Variants in F7 observed in about 807,000 individuals in gnomAD.
F7 encodes the protein coagulation factor VII, also known as FVII coagulation protein.
In F7, 38 loss-of-function variants were observed where a neutral mutation model predicts 47.5. That is an observed-to-expected ratio of 0.80 (90% CI 0.62 to 1.05). F7 has a LOEUF of 1.05. Ranked by LOEUF, F7 falls within the 50% of genes least tolerant of loss-of-function variation. The probability of loss-of-function intolerance (pLI) is 0.00; values close to 1 mark genes in which losing one functional copy is unlikely to be tolerated. For missense variants in F7, 575 were observed against 605.4 expected (o/e 0.95, Z 0.53); for synonymous variants, 244 against 258.5 (o/e 0.94, Z 0.54).
At chr13:113,116,602 G>A (rs536217890) in intron 5 of F7, among the ~76,000 whole-genome samples, 164 bp from the exon 6 acceptor site, 2 of 152,312 alleles carry the variant, frequency 1.3e-5, no homozygotes, top group South Asian at 4.1e-4. Context: ...CCCAGCCGAG[G>A]CCCTGCCTTC....
At chr13:113,109,707 G>T (rs1024274092) in intron 1 of F7, among the ~76,000 whole-genome samples, 1 of 152,062 alleles carries the variant, frequency 6.6e-6, no homozygotes, top group African/African-American at 2.4e-5. Context: ...GCCTCCTCCC[G>T]GGGCCTCCCT....
At chr13:113,105,940 G>A in intron 1 of F7, 35 bp downstream of exon 1, 3 of 1,553,350 alleles carry the variant, frequency 1.9e-6, no homozygotes, top group Non-Finnish European at 2.6e-6. Flanking sequence ...TAAACTTGGT[G>A]GAAGGGCAGT....
Position 113,118,567 on chromosome 13 carries a change from C to T in F7, c.894C>T (p.Pro298=). Residue 298 remains proline, a synonymous_variant, in exon 8 of 8, where the codon CCC becomes CCT. Transcript: ENST00000346342. ...QPVVLTDHVV[P]LCLPERTFSE... is the part of the protein sequence containing the mutation. The stretch of plus-strand genomic sequence containing the variant: ...TGGTCCTCACTGACCATGTGGTGCC[C>T]CTCTGCCTGCCCGAACGGACGTTCT... The T allele has an allele frequency of 6.2e-7, 1 of 1,612,696 alleles. No individual in the cohort carries two copies. The highest frequency in any genetic ancestry group is 8.5e-7 in the Non-Finnish European group (1 of 1,179,852).
At position 113,115,804 on chromosome 13, in the gene F7, A is replaced by G; in HGVS notation, c.505+4A>G. 1 of 1,613,172 alleles carries G rather than the reference A, an allele frequency of 6.2e-7. No homozygotes were observed. The highest frequency in any genetic ancestry group is 2.2e-5 in the East Asian group (1 of 44,886). ...GGGGTGTCCTGCACACCCACAGGTGACCAGGCTTCATGTCCCAGTCCCAGA... is the reference window on the plus strand; with the variant it reads ...GGGGTGTCCTGCACACCCACAGGTGGCCAGGCTTCATGTCCCAGTCCCAGA... On this transcript the variant is annotated splice_donor_region_variant and intron_variant, in intron 5 of 7. Transcript: ENST00000346342.
rs186357689 is a variant in F7, at chr13:113,108,484, C to T, written c.65-2206C>T. On this transcript the variant is annotated intron_variant, in intron 1 of 7. Coordinates refer to ENST00000346342, the MANE Select transcript of F7 (RefSeq NM_019616.4). ...TCCGGAGGCGAGGGTGTCCCAGGAG[C>T]GTGGGTGTCCCGGAGGCGAGGGTGT... is the stretch of plus-strand genomic sequence containing the variant. Among the ~76,000 whole-genome samples, 88 of 18,590 alleles carry T rather than the reference C, an allele frequency of 4.7e-3. 13 individuals carry two copies. The highest frequency in any genetic ancestry group is 0.062 in the Middle Eastern group (1 of 16). 12.2% of individuals were successfully genotyped at this position (18,590 alleles called of 152,430 possible).
At chr13:113,112,098 G>A (rs1329771155) in intron 2 of F7, among the ~76,000 whole-genome samples, 2 of 130,254 alleles carry the variant, frequency 1.5e-5, no homozygotes, top group Admixed American at 8.0e-5. Context: ...ACACTCACAG[G>A]ACACCTCACA....
At position 113,119,176 on chromosome 13, in the gene F7, G is replaced by T. The variant is rs922474506; in HGVS notation, c.*168G>T. On this transcript the variant is annotated 3_prime_UTR_variant, in exon 8 of 8. Transcript: ENST00000346342. ...ACAGAGAGAGACAGAGACAGAGAGA[G>T]ACTGAGGGAGAGACTCTGAGGACAT... The T allele has an allele frequency of 3.0e-5, 20 of 656,768 alleles. No homozygotes were observed. The highest frequency in any genetic ancestry group is 5.0e-5 in the Non-Finnish European group (19 of 377,370). 40.7% of individuals were successfully genotyped at this position (656,768 alleles called of 1,614,324 possible).
In F7 at chr13:113,118,911, G is replaced by C; in HGVS notation, c.1238G>C (p.Gly413Ala). ...GQGCATVGHF[G>A]VYTRVSQYIE... ...GGCTGCGCAACCGTGGGCCACTTTG[G>C]GGTGTACACCAGGGTCTCCCAGTAC... is the stretch of plus-strand genomic sequence containing the variant. Residue 413 changes from glycine (G) to alanine (A), a missense_variant, in exon 8 of 8, where the codon GGG (glycine) becomes GCG (alanine). By Grantham distance (60) the Gly-to-Ala change is moderately conservative. Coordinates refer to ENST00000346342, the MANE Select transcript of F7 (RefSeq NM_019616.4). The C allele has an allele frequency of 6.2e-7, 1 of 1,612,240 alleles. No homozygotes were observed. Among genetic ancestry groups the C allele is most frequent in the Non-Finnish European group, 8.5e-7 (1 of 1,179,864 alleles).
At position 113,113,795 on chromosome 13, in the gene F7, C is replaced by A; in HGVS notation, c.250+19C>A. The A allele has an allele frequency of 6.2e-7, 1 of 1,614,196 alleles. No individual in the cohort carries two copies. The highest frequency in any genetic ancestry group is 8.5e-7 in the Non-Finnish European group (1 of 1,180,042). On this transcript the variant is annotated intron_variant, in intron 3 of 7. Transcript: ENST00000346342. This position sits in a 1 kb window ranked among gnomAD's most constrained non-coding sequence, Gnocchi z 4.1. ...TACAGTGGTGAGTGGATGATCACCACCAGTCCTGCCTGCAACCCTTCTCAG... is the reference window on the plus strand; with the variant it reads ...TACAGTGGTGAGTGGATGATCACCAACAGTCCTGCCTGCAACCCTTCTCAG...
chr13:113,115,215 C>T (rs1474789599), intron 4 of F7, among the ~76,000 whole-genome samples: 4 of 152,244 alleles, frequency 2.6e-5, no homozygotes, highest in Admixed American at 2.6e-4. Context: ...TGTCCCCAGG[C>T]GGGCTCACGG....
At chr13:113,115,213 G>C (rs1417132917) in intron 4 of F7, among the ~76,000 whole-genome samples, 1 of 152,244 alleles carries the variant, frequency 6.6e-6, no homozygotes, top group Non-Finnish European at 1.5e-5. Flanking sequence ...ACTGTCCCCA[G>C]GCGGGCTCAC....
Position 113,110,975 on chromosome 13 carries a change from C to G in F7, c.225+125C>G, listed in dbSNP as rs905801775. 1.3e-4 allele frequency: 149 copies of G among 1,152,988 alleles called. 1 individual carries two copies. Among genetic ancestry groups the G allele is most frequent in the Non-Finnish European group, 1.7e-4 (147 of 855,730 alleles). The allele number at this position is 1,152,988 out of a possible 1,614,324, so 71.4% of individuals were successfully genotyped here. ...CGGCGAACACGCAGCGGCGCCCGCGCGGCGCTTTCTGCGGGGGTCGCTTTC... is the reference window on the plus strand; with the variant it reads ...CGGCGAACACGCAGCGGCGCCCGCGGGGCGCTTTCTGCGGGGGTCGCTTTC... On this transcript the variant is annotated intron_variant, in intron 2 of 7. Transcript: ENST00000346342.
At position 113,118,887 on chromosome 13, in the gene F7, G is replaced by T; in HGVS notation, c.1214G>T (p.Gly405Val). The T allele has an allele frequency of 6.2e-7, 1 of 1,612,656 alleles. No homozygotes were observed. The stretch of plus-strand genomic sequence containing the variant: ...ACGGGCATCGTCAGCTGGGGCCAGG[G>T]CTGCGCAACCGTGGGCCACTTTGGG... ...YLTGIVSWGQ[G>V]CATVGHFGVY... Residue 405 changes from glycine to valine, a missense_variant, in exon 8 of 8, where the codon GGC becomes GTC. Coordinates refer to ENST00000346342, the MANE Select transcript of F7 (RefSeq NM_019616.4).
In F7 at chr13:113,115,726, C is replaced by G; in HGVS notation, c.431C>G (p.Thr144Arg). 8 of 1,613,076 alleles carry G rather than the reference C, an allele frequency of 5.0e-6. No homozygotes were observed. The highest frequency in any genetic ancestry group is 6.8e-6 in the Non-Finnish European group (8 of 1,179,986). Reference protein sequence around the residue: ...GGCEQYCSDHTGTKRSCRCHE... With the variant: ...GGCEQYCSDHRGTKRSCRCHE... ...TGTGAGCAGTACTGCAGTGACCACA[C>G]GGGCACCAAGCGCTCCTGTCGGTGC... The change falls in exon 5 of 8, where the codon ACG (threonine) becomes AGG (arginine). Residue 144 changes from threonine (T) to arginine (R), a missense_variant. Transcript: ENST00000346342.
chr13:113,114,422 T>C (rs769928830), intron 4 of F7: 8 of 240,530 alleles, frequency 3.3e-5, no homozygotes, highest in Non-Finnish European at 6.6e-5. Flanking sequence ...GAAGGACTCA[T>C]AGAATCCACT....
At chr13:113,116,428 T>A (rs1044742248) in intron 5 of F7, among the ~76,000 whole-genome samples, 1 of 152,350 alleles carries the variant, frequency 6.6e-6, no homozygotes. Context: ...AGAATTTCAT[T>A]CACCTTCTAC....
At chr13:113,107,888 C>A (rs1374433492) in intron 1 of F7, among the ~76,000 whole-genome samples, 2 of 73,280 alleles carry the variant, frequency 2.7e-5, no homozygotes, top group African/African-American at 4.9e-5. Context: ...GTTCCGGAGG[C>A]GAGGGTATCC....
rs34111909 is a variant in F7, at chr13:113,109,734, G to T, written c.65-956G>T. ...GGCCTCCCTCTCCCGCCTGCCCCCAGGCCCGTCTCCCCTCGCGGGCTGAGG... is the reference window on the plus strand; with the variant it reads ...GGCCTCCCTCTCCCGCCTGCCCCCATGCCCGTCTCCCCTCGCGGGCTGAGG... On this transcript the variant is annotated intron_variant, in intron 1 of 7. Transcript: ENST00000346342. 2.1e-3 allele frequency among the ~76,000 whole-genome samples: 316 copies of T among 152,236 alleles called. 2 individuals are homozygous for T. Among genetic ancestry groups the T allele is most frequent in the Non-Finnish European group, 3.4e-3 (232 of 67,996 alleles).
At chr13:113,110,903 A>T (rs985012275) in intron 2 of F7, 53 bp downstream of exon 2, 3 of 1,530,360 alleles carry the variant, frequency 2.0e-6, no homozygotes, top group Admixed American at 4.0e-5. Flanking sequence ...GCGGCGGTGA[A>T]CCAGGCCGCG....
Sources: gnomAD v4.1 joint callset for allele counts (sites outside exome capture counted in the v4.1 genomes callset) on GRCh38, gnomAD v4.1.1 for gene constraint, Gnocchi (gnomAD v3.1) non-coding constraint, MANE v1.5 for transcripts, NCBI Gene and HGNC (gene_info 2026-07-23, HGNC 2026-07-21) for gene names.